The following TOP2B variants were observed in gnomAD, a reference collection of about 807,000 sequenced individuals.
TOP2B encodes the protein DNA topoisomerase 2-beta.
TOP2B carries 51 observed loss-of-function variants against 193.5 expected under a neutral mutation model. The ratio of observed to expected loss-of-function variants is 0.26; its 90% CI spans 0.21 to 0.33. The LOEUF (loss-of-function observed/expected upper bound fraction) is 0.33, where lower values mean the gene tolerates loss of function less well. Ranked by LOEUF, TOP2B falls within the 10% of genes least tolerant of loss-of-function variation. TOP2B has a pLI of 1.00. For missense variants in TOP2B, 1,378 were observed against 1,909.3 expected, an observed-to-expected ratio of 0.72 and a Z score of 5.19; for synonymous variants, 634 against 635.7, an observed-to-expected ratio of 1.00 and a Z score of 0.04.
intron 1 of TOP2B, among the ~76,000 whole-genome samples, chr3:25,658,073 A>C (rs1703803284): frequency 7.0e-6 from 1 of 143,170 alleles, no homozygotes; most frequent in African/African-American, 2.6e-5. Context: ...AAAAAAAAAA[A>C]AAAAATTAGC....
At chr3:25,600,958 T>G (rs1301616741) in intron 34 of TOP2B, 142 bp downstream of exon 34, 1 of 802,854 alleles carries the variant, frequency 1.2e-6, no homozygotes, top group African/African-American at 1.7e-5. Flanking sequence ...TCAGCACTGA[T>G]TCCTAGACAC....
intron 21 of TOP2B, among the ~76,000 whole-genome samples, chr3:25,621,094 T>C (rs765565846): frequency 2.0e-5 from 3 of 152,194 alleles, no homozygotes; most frequent in Non-Finnish European, 2.9e-5. Context: ...TAGATCAATA[T>C]CCTTTAAATT....
chr3:25,638,079 C>T (rs1194640742), intron 5 of TOP2B, 86 bp downstream of exon 5: 3 of 1,263,220 alleles, frequency 2.4e-6, no homozygotes, highest in South Asian at 1.4e-5. Context: ...TTTTCTCACA[C>T]CAAAACTGCA....
intron 31 of TOP2B, among the ~76,000 whole-genome samples, chr3:25,606,955 A>T (rs1055486381): frequency 6.6e-6 from 1 of 152,134 alleles, no homozygotes; most frequent in Non-Finnish European, 1.5e-5. Context: ...AGCCTAAAAC[A>T]TTTACTATTG....
At chr3:25,655,151 A>G (rs1316914761) in intron 1 of TOP2B, among the ~76,000 whole-genome samples, 2 of 152,198 alleles carry the variant, frequency 1.3e-5, no homozygotes, top group Non-Finnish European at 2.9e-5. Flanking sequence ...GTAAACCATC[A>G]AATGGTTAAT....
At chr3:25,619,314 T>A (rs576445446) in intron 23 of TOP2B, among the ~76,000 whole-genome samples, 1 of 149,372 alleles carries the variant, frequency 6.7e-6, no homozygotes, top group Admixed American at 6.6e-5. Flanking sequence ...CTCCTCTCTA[T>A]CCTTTTTCTT....
chr3:25,654,890 T>A (rs929799382), intron 1 of TOP2B, among the ~76,000 whole-genome samples: 3 of 152,138 alleles, frequency 2.0e-5, no homozygotes, highest in African/African-American at 7.2e-5. Flanking sequence ...TGGACTCTCA[T>A]GCCACATACA....
At chr3:25,640,936 TTTTGTTTG>T (rs887764022) in intron 4 of TOP2B, among the ~76,000 whole-genome samples, 11 of 151,776 alleles carry the variant, frequency 7.2e-5, no homozygotes, top group South Asian at 2.1e-4. Flanking sequence ...ATTTTGGTGT[TTTTGTTTG>T]TTTGTTTGTT....
Position 25,630,408 on chromosome 3 carries a change from C to T in TOP2B, c.1467G>A (p.Leu489=). Reference sequence around the variant, plus strand: ...CAATCACACCTAATCCAGACACAGCCAGTGATTTGGCAGAGTCTCCCTCTG... The same window carrying T: ...CAATCACACCTAATCCAGACACAGCTAGTGATTTGGCAGAGTCTCCCTCTG... The part of the protein sequence containing the change: ...ILTEGDSAKS[L]AVSGLGVIGR... Residue 489 remains leucine, a synonymous_variant, in exon 12 of 36, where the codon CTG becomes CTA. Coordinates refer to ENST00000264331, the MANE Select transcript of TOP2B (RefSeq NM_001330700.2). 6.4e-7 allele frequency: 1 copy of T among 1,552,538 alleles called. No individual in the cohort carries two copies. Among genetic ancestry groups the T allele is most frequent in the Non-Finnish European group, 8.7e-7 (1 of 1,147,244 alleles).
chr3:25,652,836 G>GA (rs890067802), intron 1 of TOP2B, among the ~76,000 whole-genome samples: 118 of 148,132 alleles, frequency 8.0e-4, no homozygotes, highest in African/African-American at 2.1e-3. Flanking sequence ...AAACAATGAG[G>GA]AAAAAAAATC....
intron 18 of TOP2B, 37 bp downstream of exon 18, chr3:25,626,523 A>G (rs774275416): frequency 8.6e-7 from 1 of 1,163,210 alleles, no homozygotes; most frequent in South Asian, 1.5e-5. Context: ...ACTATAGTAA[A>G]TAACATTAAA....
rs1013959455 is a variant in TOP2B, at chr3:25,637,239, T to C, written c.615A>G (p.Lys205=). ...CCTGCTTAAAACTGTGTTTGTATTC[T>C]TTGCAAGCTGTTTCTACTGTAAACT... is the stretch of plus-strand genomic sequence containing the variant. ...STKFTVETAC[K]EYKHSFKQTW... The change falls in exon 6 of 36, where the codon AAA becomes AAG. Residue 205 remains lysine (K), a synonymous_variant. Transcript: ENST00000264331. The C allele has an allele frequency of 8.3e-6, 13 of 1,557,684 alleles. No individual in the cohort carries two copies. The highest frequency in any genetic ancestry group is 6.8e-5 in the African/African-American group (5 of 73,472).
At chr3:25,600,124 C>G (rs1702051503) in intron 34 of TOP2B, among the ~76,000 whole-genome samples, 1 of 152,172 alleles carries the variant, frequency 6.6e-6, no homozygotes, top group Non-Finnish European at 1.5e-5. Flanking sequence ...CAGACCTAGA[C>G]TCAGCACATG....
chr3:25,609,053 T>G, intron 30 of TOP2B, 130 bp downstream of exon 30: 1 of 751,566 alleles, frequency 1.3e-6, no homozygotes, highest in Non-Finnish European at 1.9e-6. Context: ...ATAAGGCAAT[T>G]TTTTCCTTCT....
At position 25,607,285 on chromosome 3, in the gene TOP2B, A is replaced by G. The variant is rs1702259360; in HGVS notation, c.4184T>C (p.Leu1395Ser). Residue 1395 changes from leucine (L) to serine (S), a missense_variant, in exon 31 of 36, where the codon TTG becomes TCG. Around this residue, in one of 9 missense-constraint regions of TOP2B, gnomAD observed 556 missense variants for 584.2 expected, o/e 0.95. Transcript: ENST00000264331. ...DDDDNNDLEE[L>S]KVKASPITND... ...TGTTATGGGAGATGCTTTAACTTTC[A>G]ATTCCTCTAAATCATTATTGTCATC... is the stretch of plus-strand genomic sequence containing the variant. The G allele has an allele frequency of 6.4e-7, 1 of 1,564,734 alleles. No homozygotes were observed. The highest frequency in any genetic ancestry group is 2.3e-5 in the East Asian group (1 of 42,704).
chr3:25,607,423 T>C, intron 30 of TOP2B, 48 bp from the exon 31 acceptor site: 4 of 1,525,138 alleles, frequency 2.6e-6, no homozygotes, highest in Non-Finnish European at 3.5e-6. Context: ...CCTAGCTTTG[T>C]ATACATGAAT....
At position 25,607,487 on chromosome 3, in the gene TOP2B, A is replaced by G. The variant is rs552622605; in HGVS notation, c.4094-112T>C. 66 of 1,317,494 alleles carry G rather than the reference A, an allele frequency of 5.0e-5. 1 individual carries two copies. In the Middle Eastern group the frequency reaches 7.9e-4, roughly 16 times the overall value. The allele number at this position is 1,317,494 out of a possible 1,614,324, so 81.6% of individuals were successfully genotyped here. On this transcript the variant is annotated intron_variant, in intron 30 of 35. Transcript: ENST00000264331. ...TATTCCAACCATCTCTAAAAATACC[A>G]TAAGAAATAAAAGCAAGCATTTACA...
At chr3:25,608,890 C>T (rs1702300085) in intron 30 of TOP2B, among the ~76,000 whole-genome samples, 1 of 152,052 alleles carries the variant, frequency 6.6e-6, no homozygotes, top group African/African-American at 2.4e-5. Context: ...ATTAATAGAT[C>T]TATCATTGCT....
intron 11 of TOP2B, 81 bp downstream of exon 11, chr3:25,630,720 A>G (rs1702930221): frequency 2.4e-6 from 3 of 1,266,192 alleles, no homozygotes; most frequent in Non-Finnish European, 3.2e-6. Flanking sequence ...TAGTCTAACT[A>G]TATGTAGAAA....
Sources: allele counts gnomAD v4.1 joint callset (sites outside exome capture counted in the v4.1 genomes callset), GRCh38; gene constraint gnomAD v4.1.1; regional missense constraint gnomAD v4.1.1; transcripts MANE v1.5; gene names NCBI Gene and HGNC (gene_info 2026-07-23, HGNC 2026-07-21).